MYL12B: variants seen among roughly 807,000 people sequenced by gnomAD.
The protein encoded by MYL12B is myosin regulatory light chain 12B.
In MYL12B, 3 loss-of-function variants were observed where a neutral mutation model predicts 12.9. That is an observed-to-expected ratio of 0.23 (90% CI 0.11 to 0.60). The LOEUF is 0.60. Ranked by LOEUF, MYL12B falls within the 20% of genes least tolerant of loss-of-function variation. The pLI, the probability that MYL12B is intolerant of heterozygous loss-of-function variation, is 0.89. For missense variants in MYL12B, 120 were observed against 215.4 expected (o/e 0.56, Z 2.77); for synonymous variants, 57 against 71.9 (o/e 0.79, Z 1.05).
In MYL12B at chr18:3,277,332, C is replaced by G. The variant is rs1286327170; in HGVS notation, c.264C>G (p.Thr88=). 1 of 1,613,874 alleles carries G rather than the reference C, an allele frequency of 6.2e-7. No homozygotes were observed. The highest frequency in any genetic ancestry group is 1.7e-5 in the Admixed American group (1 of 59,992). Residue 88 remains threonine (T), a synonymous_variant, in exon 3 of 4, where the codon ACC becomes ACG. Coordinates refer to ENST00000237500, the MANE Select transcript of MYL12B (RefSeq NM_033546.4). ...CCATCAATTTCACCATGTTCCTGAC[C>G]ATGTTTGGTGAGAAGTTAAATGGCA... ...PGPINFTMFL[T]MFGEKLNGTD...
intron 2 of MYL12B, chr18:3,277,005 TGAAC>T: frequency 1.0e-6 from 1 of 983,680 alleles, no homozygotes; most frequent in Non-Finnish European, 1.2e-6. Flanking sequence ...TGAAAAATAA[TGAAC>T]AGAAAGTTCA....
chr18:3,263,192 AT>A (rs1362149853), intron 1 of MYL12B: 2 of 152,244 alleles, frequency 1.3e-5, no homozygotes, highest in Non-Finnish European at 2.9e-5. Flanking sequence ...AGAAAAGATT[AT>A]CTAAGAAGCC....
At position 3,277,308 on chromosome 18, in the gene MYL12B, C is replaced by T. The variant is rs3208344; in HGVS notation, c.240C>T (p.Pro80=). Reference sequence around the variant, plus strand: ...CCATGATGAATGAGGCCCCAGGGCCCATCAATTTCACCATGTTCCTGACCA... The same window carrying T: ...CCATGATGAATGAGGCCCCAGGGCCTATCAATTTCACCATGTTCCTGACCA... ...LDAMMNEAPG[P]INFTMFLTMF... is the part of the protein sequence containing the mutation. Residue 80 remains proline, a synonymous_variant, in exon 3 of 4, where the codon CCC becomes CCT. Coordinates refer to ENST00000237500, the MANE Select transcript of MYL12B (RefSeq NM_033546.4). 1.7e-3 allele frequency: 2,751 copies of T among 1,613,898 alleles called. 40 individuals carry two copies. In the African/African-American group the frequency reaches 0.032, roughly 19 times the overall value.
At chr18:3,273,131 C>A in intron 2 of MYL12B, 49 bp downstream of exon 2, 1 of 1,502,368 alleles carries the variant, frequency 6.7e-7, no homozygotes, top group Admixed American at 2.1e-5. Context: ...AATAATTTGT[C>A]TCTTTATGAA....
chr18:3,277,647 C>A, intron 3 of MYL12B, 118 bp from the exon 4 acceptor site: 11 of 1,345,014 alleles, frequency 8.2e-6, no homozygotes, highest in Non-Finnish European at 9.9e-6. Flanking sequence ...CACTAACTTA[C>A]TTTGTTTATA....
intron 2 of MYL12B, among the ~76,000 whole-genome samples, chr18:3,275,902 T>G (rs1234859389): frequency 6.6e-6 from 1 of 152,160 alleles, no homozygotes; most frequent in Non-Finnish European, 1.5e-5. Flanking sequence ...ATTGGAACAT[T>G]GAGTAAGTGT....
intron 1 of MYL12B, among the ~76,000 whole-genome samples, chr18:3,263,565 A>G (rs2081612249): frequency 6.6e-6 from 1 of 152,216 alleles, no homozygotes; most frequent in African/African-American, 2.4e-5. Context: ...GATGAACTGC[A>G]ATTTCTGAAG....
intron 1 of MYL12B, among the ~76,000 whole-genome samples, chr18:3,268,089 T>C (rs567827086): frequency 4.6e-5 from 7 of 152,252 alleles, no homozygotes; most frequent in Non-Finnish European, 1.0e-4. Flanking sequence ...GAGGGCTAAC[T>C]GTATGGGTTG....
At chr18:3,265,139 A>G (rs1662333) in intron 1 of MYL12B, among the ~76,000 whole-genome samples, 145,117 of 152,286 alleles carry the variant, frequency 0.95, 69,199 homozygotes, top group Non-Finnish European at 0.98. Context: ...AGTTGAAAAA[A>G]TTGAGTTTGG....
intron 1 of MYL12B, among the ~76,000 whole-genome samples, chr18:3,265,234 G>A (rs1662332): frequency 0.95 from 144,901 of 152,300 alleles, 68,988 homozygotes; most frequent in Non-Finnish European, 0.98. Flanking sequence ...ATGTCATTAG[G>A]TAGATGAGGT....
intron 1 of MYL12B, among the ~76,000 whole-genome samples, chr18:3,264,348 G>A (rs1321392834): frequency 6.6e-6 from 1 of 152,158 alleles, no homozygotes; most frequent in Non-Finnish European, 1.5e-5. Flanking sequence ...TTGAGCACCT[G>A]CCATGTGCAA....
At chr18:3,276,145 G>A (rs1026212472) in intron 2 of MYL12B, among the ~76,000 whole-genome samples, 1 of 151,676 alleles carries the variant, frequency 6.6e-6, no homozygotes, top group African/African-American at 2.4e-5. Flanking sequence ...ATACCTTTGA[G>A]ATACCAACTT....
At chr18:3,273,177 T>G in intron 2 of MYL12B, 95 bp downstream of exon 2, 1 of 1,370,538 alleles carries the variant, frequency 7.3e-7, no homozygotes, top group Non-Finnish European at 9.8e-7. Context: ...ATTTCTCTCC[T>G]TGTCTCAAAA....
chr18:3,263,326 G>A (rs948384338), intron 1 of MYL12B, among the ~76,000 whole-genome samples: 2 of 152,208 alleles, frequency 1.3e-5, no homozygotes, highest in Non-Finnish European at 2.9e-5. Context: ...AAGAATCAAA[G>A]CATTTAGAAT....
At position 3,273,094 on chromosome 18, in the gene MYL12B, A is replaced by G; in HGVS notation, c.184+12A>G. 1 of 1,556,082 alleles carries G rather than the reference A, an allele frequency of 6.4e-7. No homozygotes were observed. Among genetic ancestry groups the G allele is most frequent in the South Asian group, 1.2e-5 (1 of 82,204 alleles). On this transcript the variant is annotated intron_variant, in intron 2 of 3. Transcript: ENST00000237500. ...GCTTGCTTCTCTAGGTAGACTTTAT[A>G]TTCTTTATTTGTATTTTCCCTAAAA...
intron 1 of MYL12B, among the ~76,000 whole-genome samples, chr18:3,269,833 C>T (rs1013165300): frequency 6.6e-6 from 1 of 152,156 alleles, no homozygotes; most frequent in Non-Finnish European, 1.5e-5. Flanking sequence ...GAGAACTGAG[C>T]TAGAGTAAGT....
intron 2 of MYL12B, among the ~76,000 whole-genome samples, chr18:3,275,079 A>G (rs2081717723): frequency 6.6e-6 from 1 of 151,974 alleles, no homozygotes; most frequent in South Asian, 2.1e-4. Flanking sequence ...AGTGTCCGTC[A>G]CCAGATGAAC....
intron 1 of MYL12B, chr18:3,272,344 G>A (rs2081687189): frequency 6.5e-6 from 1 of 154,758 alleles, no homozygotes; most frequent in East Asian, 1.9e-4. Flanking sequence ...AATGGGGACA[G>A]TCTTTGTCAG....
intron 1 of MYL12B, among the ~76,000 whole-genome samples, chr18:3,267,996 T>A (rs1259019023): frequency 6.6e-6 from 1 of 152,248 alleles, no homozygotes; most frequent in East Asian, 1.9e-4. Context: ...TATTTTTTAT[T>A]TGTATTTTTA....
Sources: allele counts gnomAD v4.1 joint callset (sites outside exome capture counted in the v4.1 genomes callset), GRCh38; gene constraint gnomAD v4.1.1; transcripts MANE v1.5; gene names NCBI Gene and HGNC (gene_info 2026-07-23, HGNC 2026-07-21).